The following LRIF1 variants were observed in gnomAD, a reference collection of about 807,000 sequenced individuals.
LRIF1 encodes the protein ligand-dependent nuclear receptor-interacting factor 1.
In LRIF1, 32 loss-of-function variants were observed where a neutral mutation model predicts 52.7. That is an observed-to-expected ratio of 0.61 (90% CI 0.46 to 0.82). The LOEUF is 0.82. LRIF1 is among the 40% of genes least tolerant of loss of function. The pLI, the probability that LRIF1 is intolerant of heterozygous loss-of-function variation, is 0.00. For synonymous variants in LRIF1, 323 were observed against 317.4 expected (o/e 1.02, Z -0.19); for missense variants, 887 against 892.0 (o/e 0.99, Z 0.07).
chr1:110,887,173 C>G, the LRIF1 span, among the ~76,000 whole-genome samples: 2 of 152,038 alleles, frequency 1.3e-5, no homozygotes, highest in Non-Finnish European at 2.9e-5. Flanking sequence ...ACGCCATTCT[C>G]CTGCCTCAGC....
At chr1:110,900,281 A>G in the LRIF1 span, among the ~76,000 whole-genome samples, 1 of 152,208 alleles carries the variant, frequency 6.6e-6, no homozygotes, top group African/African-American at 2.4e-5. Flanking sequence ...CTTCCTTATG[A>G]CATGGAAGCT....
chr1:110,887,087 G>A, the LRIF1 span, among the ~76,000 whole-genome samples: 3 of 98,970 alleles, frequency 3.0e-5, no homozygotes, highest in Non-Finnish European at 7.3e-5. Context: ...ATTTTGAGAC[G>A]GAGTCTCGCT....
the LRIF1 span, among the ~76,000 whole-genome samples, chr1:110,906,702 TACTC>T: frequency 2.6e-5 from 4 of 152,298 alleles, no homozygotes; most frequent in Admixed American, 6.5e-5. Flanking sequence ...GAAACTATCA[TACTC>T]ACTAATAGGA....
chr1:110,915,482 C>T, the LRIF1 span, among the ~76,000 whole-genome samples: 3 of 98,244 alleles, frequency 3.1e-5, no homozygotes, highest in African/African-American at 5.2e-5. Flanking sequence ...AGCGAGACTC[C>T]GTCTCAAAAA....
the LRIF1 span, among the ~76,000 whole-genome samples, chr1:110,914,270 T>G: frequency 1.3e-5 from 2 of 151,872 alleles, no homozygotes; most frequent in Non-Finnish European, 2.9e-5. Flanking sequence ...AATTTACCCA[T>G]GTAACAAACC....
chr1:110,887,116 T>C, the LRIF1 span, among the ~76,000 whole-genome samples: 3 of 149,838 alleles, frequency 2.0e-5, no homozygotes, highest in East Asian at 1.9e-4. Context: ...CAGGCTGTAG[T>C]GCAGTGGCGC....
downstream of LRIF1, among the ~76,000 whole-genome samples, chr1:110,942,761 T>G (rs1658121881): frequency 6.6e-6 from 1 of 152,076 alleles, no homozygotes; most frequent in South Asian, 2.1e-4. Context: ...AGATCTTGGT[T>G]GAGGCAAATT....
intron 1 of LRIF1, among the ~76,000 whole-genome samples, chr1:110,953,151 ATTCC>A (rs1430339331): frequency 6.6e-6 from 1 of 152,020 alleles, no homozygotes; most frequent in East Asian, 1.9e-4. Flanking sequence ...CTTTCCCTGA[ATTCC>A]TTCCTCTTGT....
At chr1:110,905,478 A>G in the LRIF1 span, among the ~76,000 whole-genome samples, 2 of 152,168 alleles carry the variant, frequency 1.3e-5, no homozygotes, top group African/African-American at 4.8e-5. Flanking sequence ...AGAGAGTGGC[A>G]TGACATATTT....
chr1:110,949,862 CTCCT>C lies in LRIF1; in HGVS notation c.1854_1857del (p.Gly619ArgfsTer22), dbSNP rs1244962430. On this transcript the variant is annotated frameshift_variant, in exon 3 of 4. Coordinates refer to ENST00000369763, the MANE Select transcript of LRIF1 (RefSeq NM_018372.4). LOFTEE classifies it low-confidence loss of function (END_TRUNC). ...AATGTATTACCTACCTGTTTTCTCTCTCCTTCCTTCACCATAAACTCTGTCTCTT... is the reference window on the plus strand; with the variant it reads ...AATGTATTACCTACCTGTTTTCTCTCTCCTTCACCATAAACTCTGTCTCTT... 2 of 1,613,648 alleles carry C rather than the reference CTCCT, an allele frequency of 1.2e-6. No homozygotes were observed. Among genetic ancestry groups the C allele is most frequent in the Admixed American group, 1.7e-5 (1 of 59,978 alleles).
the LRIF1 span, among the ~76,000 whole-genome samples, chr1:110,930,019 T>C: frequency 6.6e-6 from 1 of 152,202 alleles, no homozygotes; most frequent in African/African-American, 2.4e-5. Context: ...TAAAAGTTTT[T>C]TGAAGAAAAG....
the LRIF1 span, chr1:110,894,376 T>A: frequency 2.5e-6 from 4 of 1,614,024 alleles, no homozygotes; most frequent in Non-Finnish European, 3.4e-6. Context: ...ACCTTGGCCA[T>A]CCTGCTCTTT....
At chr1:110,936,294 C>G in the LRIF1 span, 1 of 152,092 alleles carries the variant, frequency 6.6e-6, no homozygotes, top group Non-Finnish European at 1.5e-5. Flanking sequence ...AGAAAAAACA[C>G]AGAATATTCT....
chr1:110,881,191 T>C, the LRIF1 span, among the ~76,000 whole-genome samples: 5 of 152,184 alleles, frequency 3.3e-5, no homozygotes, highest in African/African-American at 1.2e-4. Context: ...TCACCACAGA[T>C]TGTTGTGGCC....
the LRIF1 span, among the ~76,000 whole-genome samples, chr1:110,904,102 G>A: frequency 6.6e-6 from 1 of 152,184 alleles, no homozygotes; most frequent in East Asian, 1.9e-4. Context: ...TGCCAGCTCA[G>A]CCACAGTACA....
the LRIF1 span, chr1:110,892,805 G>A: frequency 2.9e-6 from 1 of 344,074 alleles, no homozygotes; most frequent in African/African-American, 2.1e-5. Context: ...CCCCTTTATA[G>A]CATTTTATTT....
chr1:110,957,220 G>A (rs1658736025), intron 1 of LRIF1, among the ~76,000 whole-genome samples: 1 of 151,040 alleles, frequency 6.6e-6, no homozygotes. Flanking sequence ...CACTTTGGGA[G>A]GCCGAGGCAG....
the LRIF1 span, chr1:110,894,462 G>A: frequency 1.9e-5 from 24 of 1,267,204 alleles, no homozygotes; most frequent in Non-Finnish European, 2.8e-5. Context: ...ATGCAGTGGA[G>A]AAGTTGGTAC....
At chr1:110,948,901 T>A (rs1658331745) in intron 3 of LRIF1, among the ~76,000 whole-genome samples, 1 of 152,198 alleles carries the variant, frequency 6.6e-6, no homozygotes, top group Non-Finnish European at 1.5e-5. Context: ...AGGTTATTAT[T>A]AAGAACATAT....
Sources: allele counts gnomAD v4.1 joint callset (sites outside exome capture counted in the v4.1 genomes callset), GRCh38; gene constraint gnomAD v4.1.1; transcripts MANE v1.5; gene names NCBI Gene and HGNC (gene_info 2026-07-23, HGNC 2026-07-21).